CDH18: variants seen among roughly 807,000 people sequenced by gnomAD.
CDH18 encodes the protein cadherin 18, also known as cadherin-18.
In CDH18, 31 loss-of-function variants were observed where a neutral mutation model predicts 67.9. The ratio of observed to expected loss-of-function variants is 0.46; its 90% CI spans 0.34 to 0.62. CDH18 has a LOEUF of 0.62. Ranked by LOEUF, CDH18 falls within the 20% of genes least tolerant of loss-of-function variation. The pLI, the probability that CDH18 is intolerant of heterozygous loss-of-function variation, is 0.01. For synonymous variants in CDH18, 362 were observed against 347.2 expected, an observed-to-expected ratio of 1.04 and a Z score of -0.48; for missense variants, 890 against 975.5, an observed-to-expected ratio of 0.91 and a Z score of 1.17.
At position 20,014,437 on chromosome 5, in the gene CDH18, A is replaced by G. The variant is rs189660763; in HGVS notation, c.-517-22423T>C. Among the ~76,000 whole-genome samples the G allele has an allele frequency of 1.8e-3, 281 of 152,216 alleles. 1 individual carries two copies. Among genetic ancestry groups the G allele is most frequent in the African/African-American group, 6.4e-3 (266 of 41,554 alleles). Reference sequence around the variant, plus strand: ...AAAGTCTTCCTAGAAAAGATGTCCTATGCTGCTGCATGAAGGGTGGATATG... The same window carrying G: ...AAAGTCTTCCTAGAAAAGATGTCCTGTGCTGCTGCATGAAGGGTGGATATG... On this transcript the variant is annotated intron_variant, in intron 2 of 14. Coordinates refer to the CDH18 transcript ENST00000507958.
intron 5 of CDH18, among the ~76,000 whole-genome samples, chr5:19,690,613 C>A (rs1033350229): frequency 6.6e-6 from 1 of 151,240 alleles, no homozygotes; most frequent in African/African-American, 2.4e-5. Context: ...ACAACCGATA[C>A]CACAGAAATA....
At chr5:19,955,245 C>T (rs1328081124) in intron 2 of CDH18, among the ~76,000 whole-genome samples, 1 of 152,016 alleles carries the variant, frequency 6.6e-6, no homozygotes, top group African/African-American at 2.4e-5. Context: ...ATAAATTACC[C>T]AGTCTCGTGC....
At chr5:20,056,404 GT>G (rs200064252) in intron 2 of CDH18, among the ~76,000 whole-genome samples, 5,004 of 140,368 alleles carry the variant, frequency 0.036, 253 homozygotes, top group East Asian at 0.26. Context: ...TTGTTTGTTT[GT>G]TTTTTAATCT....
At chr5:20,123,581 C>G (rs1004140083) in intron 2 of CDH18, among the ~76,000 whole-genome samples, 3 of 152,108 alleles carry the variant, frequency 2.0e-5, no homozygotes, top group Non-Finnish European at 4.4e-5. Flanking sequence ...ACGAAACGTT[C>G]CATTAAAGAA....
At chr5:19,803,996 C>A (rs1248303698) in intron 3 of CDH18, 2 of 152,434 alleles carry the variant, frequency 1.3e-5, no homozygotes, top group Non-Finnish European at 2.9e-5. Flanking sequence ...TGGCGGGCGC[C>A]TGTAGTCCCA....
chr5:19,905,445 A>T (rs1445639392), intron 2 of CDH18, among the ~76,000 whole-genome samples: 1 of 148,348 alleles, frequency 6.7e-6, no homozygotes, highest in Non-Finnish European at 1.5e-5. Flanking sequence ...TGGAAGATAA[A>T]TTGTATGATC....
chr5:19,506,572 T>TAGAAC (rs745344319), intron 10 of CDH18, among the ~76,000 whole-genome samples: 15 of 151,996 alleles, frequency 9.9e-5, no homozygotes, highest in Admixed American at 3.9e-4. Flanking sequence ...TATAGACCAA[T>TAGAAC]AGAACAGAAC....
chr5:20,177,652 A>G (rs1373680527), intron 2 of CDH18, among the ~76,000 whole-genome samples: 1 of 151,976 alleles, frequency 6.6e-6, no homozygotes, highest in Non-Finnish European at 1.5e-5. Context: ...GCAGATTACC[A>G]TCCTGATATG....
chr5:19,492,757 C>T (rs347724), intron 11 of CDH18, among the ~76,000 whole-genome samples: 3,751 of 152,066 alleles, frequency 0.025, 171 homozygotes, highest in African/African-American at 0.085. Flanking sequence ...AAGAAAAACC[C>T]TTCACTTGGT....
intron 12 of CDH18, among the ~76,000 whole-genome samples, chr5:19,477,266 A>T (rs1738637400): frequency 6.6e-6 from 1 of 151,582 alleles, no homozygotes; most frequent in Non-Finnish European, 1.5e-5. Context: ...TTAAAGATAA[A>T]TTCAAATCAA....
chr5:19,699,790 G>T (rs190699530), intron 5 of CDH18, among the ~76,000 whole-genome samples: 1 of 152,148 alleles, frequency 6.6e-6, no homozygotes, highest in East Asian at 1.9e-4. Flanking sequence ...CTTCAGAACT[G>T]TGAGAAATGT....
chr5:19,820,578 C>T (rs1351200454), intron 3 of CDH18, among the ~76,000 whole-genome samples: 1 of 152,166 alleles, frequency 6.6e-6, no homozygotes, highest in Non-Finnish European at 1.5e-5. Context: ...CAGTGAATGG[C>T]ATGTCCCCTG....
intron 5 of CDH18, among the ~76,000 whole-genome samples, chr5:19,634,068 C>A (rs1372647148): frequency 6.6e-6 from 1 of 152,142 alleles, no homozygotes; most frequent in Non-Finnish European, 1.5e-5. Context: ...TGCTAGTGAT[C>A]AAATTCAAGA....
At position 19,996,632 on chromosome 5, in the gene CDH18, A is replaced by C. The variant is rs373701364; in HGVS notation, c.-517-4618T>G. 6.0e-4 allele frequency among the ~76,000 whole-genome samples: 91 copies of C among 152,130 alleles called. No individual in the cohort carries two copies. The South Asian group carries it at 0.016, about 27-fold the overall frequency. ...CTATTTGCTTATTCAATAGTTGAAA[A>C]TTAATACCTCATTGTTTTAATTTCT... On this transcript the variant is annotated intron_variant, in intron 2 of 14. Coordinates refer to the CDH18 transcript ENST00000507958.
chr5:20,133,635 G>A (rs1425693221), intron 2 of CDH18, among the ~76,000 whole-genome samples: 2 of 151,998 alleles, frequency 1.3e-5, no homozygotes, highest in Middle Eastern at 3.2e-3. Flanking sequence ...GGTGTCTGAT[G>A]TTAGGTTTGC....
chr5:19,936,461 C>A (rs1794279871), intron 2 of CDH18, among the ~76,000 whole-genome samples: 1 of 151,062 alleles, frequency 6.6e-6, no homozygotes, highest in Non-Finnish European at 1.5e-5. Flanking sequence ...ACACTGTATA[C>A]CATGAATTTA....
intron 2 of CDH18, among the ~76,000 whole-genome samples, chr5:19,883,639 G>T (rs1042038948): frequency 2.6e-5 from 4 of 152,040 alleles, no homozygotes; most frequent in Middle Eastern, 6.8e-3. Flanking sequence ...TGTCTTAAAT[G>T]CAAAGATTAT....
At chr5:20,467,083 A>G (rs986235552) in intron 1 of CDH18, among the ~76,000 whole-genome samples, 7 of 148,258 alleles carry the variant, frequency 4.7e-5, no homozygotes, top group African/African-American at 1.9e-4. Flanking sequence ...AAAAATGGAA[A>G]TAGTTTAACA....
intron 1 of CDH18, among the ~76,000 whole-genome samples, chr5:20,512,115 C>T (rs895817982): frequency 2.6e-5 from 4 of 151,848 alleles, no homozygotes; most frequent in East Asian, 3.9e-4. Flanking sequence ...CCCAGCTACT[C>T]GGGAGGCTGA....
Sources: gnomAD v4.1 joint callset for allele counts (sites outside exome capture counted in the v4.1 genomes callset) on GRCh38, gnomAD v4.1.1 for gene constraint, MANE v1.5 for transcripts, NCBI Gene and HGNC (gene_info 2026-07-23, HGNC 2026-07-21) for gene names.